EYS: variants seen among roughly 807,000 people sequenced by gnomAD.
EYS encodes the protein EGF-like photoreceptor maintenance factor, also known as protein eyes shut homolog.
In EYS, 250 loss-of-function variants were observed where a neutral mutation model predicts 282.1. That is an observed-to-expected ratio of 0.89 (90% CI 0.80 to 0.98). The LOEUF is 0.98. Among genes scored for constraint, EYS ranks in the 50% least tolerant of loss-of-function variants. EYS has a pLI of 0.00. For synonymous variants in EYS, 1,355 were observed against 1,282.9 expected (o/e 1.06, Z -1.20); for missense variants, 4,016 against 3,709.0 (o/e 1.08, Z -2.15).
At chr6:65,276,719 T>A (rs1368384855) in intron 12 of EYS, among the ~76,000 whole-genome samples, 1 of 140,710 alleles carries the variant, frequency 7.1e-6, no homozygotes, top group Non-Finnish European at 1.7e-5. Flanking sequence ...AACATCTAGG[T>A]CACCCAAGAT....
chr6:65,297,321 CTTG>C (rs1259796780), intron 11 of EYS, among the ~76,000 whole-genome samples: 1 of 151,808 alleles, frequency 6.6e-6, no homozygotes, highest in East Asian at 1.9e-4. Flanking sequence ...AATCACTTTG[CTTG>C]TTATTATTAA....
intron 35 of EYS, among the ~76,000 whole-genome samples, chr6:63,866,720 A>G (rs2149710771): frequency 6.6e-6 from 1 of 152,318 alleles, no homozygotes; most frequent in Non-Finnish European, 1.5e-5. Context: ...GAAATTTTAT[A>G]GAAAACTCTC....
At chr6:65,122,986 T>TA (rs1561977701) in intron 12 of EYS, among the ~76,000 whole-genome samples, 1 of 152,050 alleles carries the variant, frequency 6.6e-6, no homozygotes, top group African/African-American at 2.4e-5. Context: ...TCGTGATTTC[T>TA]AAAAAAATAA....
intron 31 of EYS, among the ~76,000 whole-genome samples, chr6:64,165,343 TTAATC>T (rs1764258321): frequency 6.6e-6 from 1 of 152,094 alleles, no homozygotes; most frequent in South Asian, 2.1e-4. Flanking sequence ...TAATTTATAA[TTAATC>T]TATAATTTTA....
chr6:64,138,821 T>A (rs927404108), intron 31 of EYS, among the ~76,000 whole-genome samples: 3 of 152,222 alleles, frequency 2.0e-5, no homozygotes, highest in Non-Finnish European at 4.4e-5. Flanking sequence ...TTTGAGTTAT[T>A]ATGATGTGTT....
chr6:63,842,488 T>C (rs1771987350), intron 36 of EYS, among the ~76,000 whole-genome samples: 1 of 152,242 alleles, frequency 6.6e-6, no homozygotes, highest in Non-Finnish European at 1.5e-5. Context: ...TTTAAGTTCC[T>C]TGTAGATTCT....
chr6:65,121,974 G>GA (rs549890142), intron 12 of EYS, among the ~76,000 whole-genome samples: 1 of 151,436 alleles, frequency 6.6e-6, no homozygotes, highest in Non-Finnish European at 1.5e-5. Context: ...ACTAAATTTG[G>GA]AAAAAAAGTC....
At chr6:65,020,593 G>T (rs536199221) in intron 13 of EYS, among the ~76,000 whole-genome samples, 1 of 152,200 alleles carries the variant, frequency 6.6e-6, no homozygotes, top group East Asian at 1.9e-4. Flanking sequence ...GGTGCAAGCT[G>T]TCAGTGGATT....
At chr6:64,112,291 T>C (rs1018723760) in intron 31 of EYS, among the ~76,000 whole-genome samples, 2 of 152,072 alleles carry the variant, frequency 1.3e-5, no homozygotes, top group African/African-American at 4.8e-5. Context: ...CTGGACTCCA[T>C]GCATTTTTTT....
intron 22 of EYS, among the ~76,000 whole-genome samples, chr6:64,666,013 T>A (rs1235571975): frequency 6.6e-6 from 1 of 152,176 alleles, no homozygotes; most frequent in African/African-American, 2.4e-5. Context: ...CTGCATGCTC[T>A]CACTTATAAG....
chr6:64,566,478 C>A (rs577810626), intron 26 of EYS, among the ~76,000 whole-genome samples: 13 of 152,162 alleles, frequency 8.5e-5, no homozygotes, highest in African/African-American at 3.1e-4. Context: ...TTTACTTCAG[C>A]AAATCTGGAT....
At chr6:65,499,938 A>G (rs1766388968) in intron 2 of EYS, among the ~76,000 whole-genome samples, 1 of 151,940 alleles carries the variant, frequency 6.6e-6, no homozygotes, top group Non-Finnish European at 1.5e-5. Flanking sequence ...CCTGTGAGGT[A>G]CATAGTCATG....
At chr6:65,646,860 G>C (rs537219071) in intron 1 of EYS, among the ~76,000 whole-genome samples, 1 of 152,066 alleles carries the variant, frequency 6.6e-6, no homozygotes, top group Admixed American at 6.6e-5. Flanking sequence ...CAGTAGCTTT[G>C]CTATACACCA....
At chr6:63,771,970 T>TA (rs1276919052) in intron 40 of EYS, among the ~76,000 whole-genome samples, 1 of 152,142 alleles carries the variant, frequency 6.6e-6, no homozygotes, top group African/African-American at 2.4e-5. Context: ...CTTTTAGGCA[T>TA]AAAAAGATAT....
chr6:65,019,749 A>G (rs1169164184), intron 13 of EYS, among the ~76,000 whole-genome samples: 1 of 152,180 alleles, frequency 6.6e-6, no homozygotes, highest in Non-Finnish European at 1.5e-5. Flanking sequence ...TAATTGTATT[A>G]GTCCATTCTC....
At chr6:64,811,562 C>A (rs1229428358) in intron 22 of EYS, among the ~76,000 whole-genome samples, 2 of 152,068 alleles carry the variant, frequency 1.3e-5, no homozygotes, top group African/African-American at 4.8e-5. Context: ...GGAGGTGGTG[C>A]CTGTACACAG....
chr6:65,647,705 A>C (rs1340578755), intron 1 of EYS, among the ~76,000 whole-genome samples: 1 of 152,224 alleles, frequency 6.6e-6, no homozygotes, highest in Non-Finnish European at 1.5e-5. Context: ...TTGCTCAACA[A>C]GATAAATAAT....
intron 2 of EYS, among the ~76,000 whole-genome samples, chr6:65,621,717 C>A (rs990174281): frequency 6.6e-6 from 1 of 151,746 alleles, no homozygotes; most frequent in Non-Finnish European, 1.5e-5. Context: ...ATGTTTAGCA[C>A]TTCCTTCAGG....
chr6:65,459,101 G>T lies in EYS; in HGVS notation c.862+31493C>A, dbSNP rs997846926. ...AGAGAAAAACACTTTTGCTATGATA[G>T]AATTATACACACAGTCATTAAAATC... On this transcript the variant is annotated intron_variant, in intron 5 of 42. Coordinates refer to ENST00000503581, the MANE Select transcript of EYS (RefSeq NM_001142800.2). Among the ~76,000 whole-genome samples, 10 of 152,096 alleles carry T rather than the reference G, an allele frequency of 6.6e-5. No individual in the cohort carries two copies. In the South Asian group the frequency reaches 1.7e-3, roughly 25 times the overall value.
Sources: allele counts gnomAD v4.1 joint callset (sites outside exome capture counted in the v4.1 genomes callset), GRCh38; gene constraint gnomAD v4.1.1; transcripts MANE v1.5; gene names NCBI Gene and HGNC (gene_info 2026-07-23, HGNC 2026-07-21).